PPP1R1C: variants seen among roughly 807,000 people sequenced by gnomAD.
PPP1R1C encodes the protein protein phosphatase 1 regulatory inhibitor subunit 1C, also known as protein phosphatase 1 regulatory subunit 1C.
A neutral mutation model predicts 17.4 loss-of-function variants in PPP1R1C; 15 were observed. The ratio of observed to expected loss-of-function variants is 0.86; its 90% confidence interval spans 0.58 to 1.33. The LOEUF (loss-of-function observed/expected upper bound fraction) is 1.33. PPP1R1C is among the 40% of genes most tolerant of loss of function. PPP1R1C has a pLI of 0.00. For missense variants in PPP1R1C, 143 were observed against 130.0 expected (o/e 1.10, Z -0.48); for synonymous variants, 35 against 43.1 (o/e 0.81, Z 0.73).
intron 2 of PPP1R1C, among the ~76,000 whole-genome samples, chr2:182,048,083 A>G (rs1184066280): frequency 6.6e-6 from 1 of 152,210 alleles, no homozygotes; most frequent in Non-Finnish European, 1.5e-5. Context: ...TTCATCATTT[A>G]AAATGGAAAG....
chr2:182,063,829 T>C (rs1218279478), intron 4 of PPP1R1C, 38 bp downstream of exon 4: 11 of 1,476,278 alleles, frequency 7.5e-6, no homozygotes, highest in Non-Finnish European at 1.0e-5. Context: ...TCATGAGTGG[T>C]GAATCATGGC....
At chr2:181,975,992 C>T (rs535597246) in intron 2 of PPP1R1C, among the ~76,000 whole-genome samples, 5 of 151,970 alleles carry the variant, frequency 3.3e-5, no homozygotes, top group South Asian at 2.1e-4. Flanking sequence ...CATCAAAATG[C>T]AAAAGAACCT....
chr2:182,076,192 C>CTTT (rs1688296764), intron 4 of PPP1R1C, among the ~76,000 whole-genome samples: 1 of 25,838 alleles, frequency 3.9e-5, no homozygotes, highest in Non-Finnish European at 7.4e-5. Flanking sequence ...TTTTTTTTTT[C>CTTT]TTTTCTTTTT....
chr2:182,097,021 A>G (rs1057372209), intron 4 of PPP1R1C, among the ~76,000 whole-genome samples: 6 of 152,216 alleles, frequency 3.9e-5, no homozygotes, highest in African/African-American at 1.4e-4. Context: ...AGTCTGAAGA[A>G]CATACACTAT....
At chr2:182,105,080 GA>G (rs1246859108) in intron 4 of PPP1R1C, among the ~76,000 whole-genome samples, 4 of 151,876 alleles carry the variant, frequency 2.6e-5, no homozygotes, top group Middle Eastern at 3.4e-3. Context: ...ATGAGGGGTG[GA>G]AAAAAAATGA....
At chr2:181,984,608 G>A (rs114626035), upstream of PPP1R1C, among the ~76,000 whole-genome samples, 2,934 of 152,220 alleles carry the variant, frequency 0.019, 36 homozygotes, top group Non-Finnish European at 0.031. Flanking sequence ...TTCCCCTAGT[G>A]AATATAGAAA....
intron 4 of PPP1R1C, among the ~76,000 whole-genome samples, chr2:182,101,204 G>A (rs760999096): frequency 7.9e-5 from 12 of 152,122 alleles, no homozygotes; most frequent in East Asian, 1.9e-4. Flanking sequence ...TGAATTTCCC[G>A]AGCAGGCAGC....
chr2:182,101,554 C>T (rs987614033), intron 4 of PPP1R1C, among the ~76,000 whole-genome samples: 17 of 152,142 alleles, frequency 1.1e-4, no homozygotes, highest in African/African-American at 4.1e-4. Flanking sequence ...TATTTGCTTT[C>T]TGTGTTGCTT....
intron 2 of PPP1R1C, among the ~76,000 whole-genome samples, chr2:181,991,873 T>G (rs1685483607): frequency 6.6e-6 from 1 of 151,368 alleles, no homozygotes; most frequent in South Asian, 2.1e-4. Flanking sequence ...TTCCTATATA[T>G]TTTTTTTTAT....
intron 2 of PPP1R1C, among the ~76,000 whole-genome samples, chr2:182,034,460 C>T (rs1429287466): frequency 1.3e-5 from 2 of 151,910 alleles, no homozygotes; most frequent in Non-Finnish European, 2.9e-5. Context: ...AGAAGAATAA[C>T]ATGTTTGAGG....
chr2:181,987,354 A>T (rs962379343), intron 1 of PPP1R1C, among the ~76,000 whole-genome samples: 4 of 152,110 alleles, frequency 2.6e-5, no homozygotes, highest in African/African-American at 4.8e-5. Context: ...TAAATATTAT[A>T]CTAGAAAATA....
At chr2:181,987,166 A>C (rs1265515088) in intron 1 of PPP1R1C, among the ~76,000 whole-genome samples, 3 of 152,086 alleles carry the variant, frequency 2.0e-5, no homozygotes, top group Non-Finnish European at 4.4e-5. Context: ...ACTGACACTT[A>C]CTTTGGGTAT....
At chr2:182,055,835 C>T (rs1431314658) in intron 2 of PPP1R1C, among the ~76,000 whole-genome samples, 1 of 152,176 alleles carries the variant, frequency 6.6e-6, no homozygotes, top group Non-Finnish European at 1.5e-5. Flanking sequence ...TTTCATTTCA[C>T]CTGGAAGAAT....
rs531191573 is a variant in PPP1R1C, at chr2:182,062,675, A to T, written c.181-1056A>T. ...AATTGATTGCTTTTGCATCAGATAA[A>T]TAACATCTCGATGATACCTTTGAGG... On this transcript the variant is annotated intron_variant, in intron 3 of 4. Coordinates refer to ENST00000682840, the MANE Select transcript of PPP1R1C (RefSeq NM_001080545.3). Among the ~76,000 whole-genome samples the T allele has an allele frequency of 5.9e-5, 9 of 152,260 alleles. No individual in the cohort carries two copies. The South Asian group carries it at 1.9e-3, about 32-fold the overall frequency.
chr2:181,976,114 C>T lies in PPP1R1C; in HGVS notation n.157+850C>T, dbSNP rs376687167. ...AAATCATAAAGAGAAAATATATAAC[C>T]TATAAACTCACCATCCAGAGACAAC... On this transcript the variant is annotated intron_variant and non_coding_transcript_variant, in intron 2 of 5. Coordinates refer to the PPP1R1C transcript ENST00000464264. The surrounding 1 kb of genome is among the most constrained non-coding windows in gnomAD (Gnocchi z 4.8). Among the ~76,000 whole-genome samples, 18 of 151,954 alleles carry T rather than the reference C, an allele frequency of 1.2e-4. No homozygotes were observed. In the South Asian group the frequency reaches 3.3e-3, roughly 28 times the overall value.
chr2:182,091,967 T>C (rs555208647), intron 4 of PPP1R1C, among the ~76,000 whole-genome samples: 80 of 152,276 alleles, frequency 5.3e-4, no homozygotes, highest in African/African-American at 1.1e-3. Context: ...TGACACTCAA[T>C]AATTATGTGT....
chr2:181,992,571 A>C (rs1454226213), intron 2 of PPP1R1C, among the ~76,000 whole-genome samples: 1 of 134,844 alleles, frequency 7.4e-6, no homozygotes, highest in Non-Finnish European at 1.7e-5. Flanking sequence ...CCTACTAAAC[A>C]TGAGTGAGCT....
At chr2:182,092,303 C>T (rs560695503) in intron 4 of PPP1R1C, among the ~76,000 whole-genome samples, 1 of 152,176 alleles carries the variant, frequency 6.6e-6, no homozygotes, top group Non-Finnish European at 1.5e-5. Flanking sequence ...ATCATGAGAA[C>T]AGCATGGGAG....
Position 181,957,796 on chromosome 2 carries a change from T to A in PPP1R1C, n.111+3162T>A, listed in dbSNP as rs1485320873. ...GCCTTACCCCATACTCATCAGCCAATGTTGATTCTTCTGGTGGCTGAGGGT... is the reference window on the plus strand; with the variant it reads ...GCCTTACCCCATACTCATCAGCCAAAGTTGATTCTTCTGGTGGCTGAGGGT... On this transcript the variant is annotated intron_variant and non_coding_transcript_variant, in intron 1 of 5. Coordinates refer to the PPP1R1C transcript ENST00000464264. The surrounding 1 kb of genome is among the most constrained non-coding windows in gnomAD (Gnocchi z 4.2). Among the ~76,000 whole-genome samples the A allele has an allele frequency of 1.3e-5, 2 of 152,216 alleles. No homozygotes were observed. Among genetic ancestry groups the A allele is most frequent in the Non-Finnish European group, 2.9e-5 (2 of 68,034 alleles).
Sources: allele counts gnomAD v4.1 joint callset (sites outside exome capture counted in the v4.1 genomes callset), GRCh38; gene constraint gnomAD v4.1.1; non-coding constraint Gnocchi (gnomAD v3.1); transcripts MANE v1.5; gene names NCBI Gene and HGNC (gene_info 2026-07-23, HGNC 2026-07-21).